PCP4L1: variants seen among roughly 807,000 people sequenced by gnomAD.
The protein encoded by PCP4L1 is Purkinje cell protein 4 like 1.
Under a neutral mutation model 9.6 loss-of-function variants are expected in PCP4L1, and 9 were observed. That is an observed-to-expected ratio of 0.94 (90% CI 0.57 to 1.64). PCP4L1 has a LOEUF of 1.64. Ranked by LOEUF, PCP4L1 falls within the 40% of genes most tolerant of loss-of-function variation. The pLI, the probability that PCP4L1 is intolerant of heterozygous loss-of-function variation, is 0.00. For missense variants in PCP4L1, 81 were observed against 80.8 expected (o/e 1.00, Z -0.01); for synonymous variants, 31 against 28.2 (o/e 1.10, Z -0.31).
At chr1:161,274,400 G>T (rs1345202020) in intron 1 of PCP4L1, among the ~76,000 whole-genome samples, 3 of 152,094 alleles carry the variant, frequency 2.0e-5, no homozygotes, top group Non-Finnish European at 2.9e-5. Context: ...GCACCTGAGA[G>T]GTTTGTGATC....
chr1:161,263,771 G>C (rs1256880109), intron 1 of PCP4L1, among the ~76,000 whole-genome samples: 2 of 150,622 alleles, frequency 1.3e-5, no homozygotes, highest in Non-Finnish European at 3.0e-5. Flanking sequence ...TTTTTGTAGA[G>C]ACAGGTTTCA....
At chr1:161,264,070 C>T (rs907284342) in intron 1 of PCP4L1, among the ~76,000 whole-genome samples, 12 of 151,528 alleles carry the variant, frequency 7.9e-5, no homozygotes, top group East Asian at 2.0e-4. Flanking sequence ...TCACCAGGCC[C>T]GGGTAATTTT....
At chr1:161,283,439 ATTTC>A (rs1448790348) in intron 1 of PCP4L1, among the ~76,000 whole-genome samples, 2 of 152,274 alleles carry the variant, frequency 1.3e-5, no homozygotes, top group African/African-American at 4.8e-5. Flanking sequence ...TGAGGGCAGA[ATTTC>A]TTTGTCTGTT....
chr1:161,277,742 C>G (rs749814677), intron 1 of PCP4L1, among the ~76,000 whole-genome samples: 2 of 152,112 alleles, frequency 1.3e-5, no homozygotes, highest in African/African-American at 2.4e-5. Context: ...CCTGCCTCAT[C>G]CTATATCTCA....
rs1256006442 is a variant in PCP4L1, at chr1:161,258,951, C to T, written c.-24C>T. On this transcript the variant is annotated 5_prime_UTR_variant, in exon 1 of 3. Coordinates refer to ENST00000504449, the MANE Select transcript of PCP4L1 (RefSeq NM_001102566.2). ...CGCCTCACCTGTGCGTGCAGCGCCT[C>T]GCGCGCCCTGTCCGGCTGCGGAGAT... The T allele has an allele frequency of 6.5e-6, 10 of 1,534,546 alleles. No individual in the cohort carries two copies. The highest frequency in any genetic ancestry group is 8.7e-6 in the Non-Finnish European group (10 of 1,146,082).
chr1:161,266,630 T>C (rs1399529334), intron 1 of PCP4L1, among the ~76,000 whole-genome samples: 1 of 152,084 alleles, frequency 6.6e-6, no homozygotes. Flanking sequence ...GCTTGGGAGC[T>C]AGGGTTGTTT....
intron 1 of PCP4L1, among the ~76,000 whole-genome samples, chr1:161,274,041 C>T (rs368017819): frequency 6.6e-6 from 1 of 152,180 alleles, no homozygotes; most frequent in East Asian, 1.9e-4. Context: ...AACCTCTCAA[C>T]TTCAATTTCC....
At position 161,263,854 on chromosome 1, in the gene PCP4L1, G is replaced by A. The variant is rs112017523; in HGVS notation, c.9+4871G>A. On this transcript the variant is annotated intron_variant, in intron 1 of 2. Coordinates refer to ENST00000504449, the MANE Select transcript of PCP4L1 (RefSeq NM_001102566.2). ...CCATCTCAGCCTCCCAAAGAGCTGG[G>A]ATTACAGGCATGAGCTACCATGCTT... 4.4e-3 allele frequency among the ~76,000 whole-genome samples: 652 copies of A among 148,578 alleles called. 3 individuals are homozygous for A. The highest frequency in any genetic ancestry group is 6.9e-3 in the Non-Finnish European group (469 of 67,482).
intron 1 of PCP4L1, among the ~76,000 whole-genome samples, chr1:161,260,188 A>C (rs1195856694): frequency 7.0e-6 from 1 of 143,378 alleles, no homozygotes; most frequent in Non-Finnish European, 1.5e-5. Flanking sequence ...CTAAAAATGA[A>C]GATCTCTATG....
At chr1:161,268,022 A>G (rs2102233658) in intron 1 of PCP4L1, among the ~76,000 whole-genome samples, 1 of 152,106 alleles carries the variant, frequency 6.6e-6, no homozygotes, top group East Asian at 1.9e-4. Flanking sequence ...CGACAATACT[A>G]TCTGGTGAGG....
chr1:161,264,481 C>T (rs749731001), intron 1 of PCP4L1, among the ~76,000 whole-genome samples: 4 of 151,992 alleles, frequency 2.6e-5, no homozygotes, highest in Non-Finnish European at 4.4e-5. Context: ...AGCACCACTG[C>T]ACTCCAGCCT....
At chr1:161,275,069 C>G (rs1669676726) in intron 1 of PCP4L1, among the ~76,000 whole-genome samples, 1 of 152,058 alleles carries the variant, frequency 6.6e-6, no homozygotes, top group Non-Finnish European at 1.5e-5. Context: ...CCAGTGATCT[C>G]CAGAGAGACT....
chr1:161,284,069 G>A lies in PCP4L1; in HGVS notation c.65-270G>A, dbSNP rs115163509. On this transcript the variant is annotated intron_variant, in intron 2 of 2. Transcript: ENST00000504449. ...GTGAGTGTGCATTGGAACTTGAACT[G>A]TAGGATTTATGAATAAGTGATGAAA... 2.7e-3 allele frequency among the ~76,000 whole-genome samples: 406 copies of A among 152,322 alleles called. 1 individual carries two copies. The highest frequency in any genetic ancestry group is 4.5e-3 in the Non-Finnish European group (309 of 68,028).
intron 1 of PCP4L1, among the ~76,000 whole-genome samples, chr1:161,260,337 C>T (rs1337107834): frequency 6.6e-6 from 1 of 152,206 alleles, no homozygotes; most frequent in Non-Finnish European, 1.5e-5. Flanking sequence ...TTTCCAGTCC[C>T]TCAGCTGGTT....
At chr1:161,280,915 A>T (rs1019780199) in intron 1 of PCP4L1, among the ~76,000 whole-genome samples, 7 of 151,860 alleles carry the variant, frequency 4.6e-5, no homozygotes, top group African/African-American at 1.7e-4. Context: ...GTCATAGGAC[A>T]ATAGTGGAGG....
intron 1 of PCP4L1, among the ~76,000 whole-genome samples, chr1:161,263,518 G>A (rs1449660510): frequency 6.6e-6 from 1 of 151,690 alleles, no homozygotes; most frequent in East Asian, 1.9e-4. Context: ...GATTACAGGG[G>A]TGAGCCACTG....
chr1:161,267,460 A>G (rs1246224355), intron 1 of PCP4L1, among the ~76,000 whole-genome samples: 1 of 152,188 alleles, frequency 6.6e-6, no homozygotes, highest in Admixed American at 6.5e-5. Context: ...TATCTTTTCC[A>G]AGGTTCTAAC....
intron 1 of PCP4L1, among the ~76,000 whole-genome samples, chr1:161,282,670 T>A (rs1669843296): frequency 6.6e-6 from 1 of 152,150 alleles, no homozygotes. Context: ...CATCTCAAAT[T>A]TGTTAAAAAA....
At position 161,258,759 on chromosome 1, in the gene PCP4L1, G is replaced by A. The variant is rs1669362500; in HGVS notation, c.-216G>A. On this transcript the variant is annotated 5_prime_UTR_variant, in exon 1 of 3. Transcript: ENST00000504449. Reference sequence around the variant, plus strand: ...GGCGGCGAGCTGAGCGGCTCTGACAGGACGGGTCGCAGGGGGTCGCCTGGC... The same window carrying A: ...GGCGGCGAGCTGAGCGGCTCTGACAAGACGGGTCGCAGGGGGTCGCCTGGC... The A allele has an allele frequency of 4.3e-6, 3 of 702,894 alleles. No individual in the cohort carries two copies. Among genetic ancestry groups the A allele is most frequent in the Non-Finnish European group, 7.2e-6 (3 of 419,320 alleles). 43.5% of individuals were successfully genotyped at this position (702,894 alleles called of 1,614,324 possible). A position where few individuals can be genotyped will look rare whatever the true frequency, so the allele number is the denominator to read the frequency against.
Sources: allele counts gnomAD v4.1 joint callset (sites outside exome capture counted in the v4.1 genomes callset), GRCh38; gene constraint gnomAD v4.1.1; transcripts MANE v1.5; gene names NCBI Gene and HGNC (gene_info 2026-07-23, HGNC 2026-07-21).